Variants in CRYBG1 observed in about 807,000 individuals in gnomAD.
CRYBG1 encodes crystallin beta-gamma domain containing 1.
Under a neutral mutation model 189.2 loss-of-function variants are expected in CRYBG1, and 139 were observed. The ratio of observed to expected loss-of-function variants is 0.73; its 90% CI spans 0.64 to 0.85. The LOEUF (loss-of-function observed/expected upper bound fraction) is 0.85. CRYBG1 is among the 40% of genes least tolerant of loss of function. CRYBG1 has a pLI of 0.00. For missense variants in CRYBG1, 2,611 were observed against 2,675.8 expected (o/e 0.98, Z 0.53); for synonymous variants, 1,023 against 1,017.1 (o/e 1.01, Z -0.11).
At chr6:106,415,878 T>A (rs1318794225) in intron 1 of CRYBG1, among the ~76,000 whole-genome samples, 1 of 152,240 alleles carries the variant, frequency 6.6e-6, no homozygotes, top group East Asian at 1.9e-4. Flanking sequence ...TGGGCAACGA[T>A]GTGCTTCTCC....
At chr6:106,377,622 TATATATA>T (rs370423527) in intron 1 of CRYBG1, among the ~76,000 whole-genome samples, 1 of 1,656 alleles carries the variant, frequency 6.0e-4, no homozygotes, top group African/African-American at 1.0e-3. Context: ...CCTAAGGTTT[TATATATA>T]TATATATATA....
At chr6:106,425,074 C>T (rs552821146) in intron 1 of CRYBG1, among the ~76,000 whole-genome samples, 27 of 152,308 alleles carry the variant, frequency 1.8e-4, no homozygotes, top group African/African-American at 5.8e-4. Context: ...CCTTTCTCAG[C>T]TCTACCTGTC....
intron 3 of CRYBG1, among the ~76,000 whole-genome samples, chr6:106,517,483 TAC>T (rs200726087): frequency 0.037 from 5,366 of 145,078 alleles, 310 homozygotes; most frequent in East Asian, 0.23. Context: ...CATATATATA[TAC>T]ACACACACAC....
chr6:106,393,529 G>A (rs891860485), intron 1 of CRYBG1, among the ~76,000 whole-genome samples: 1 of 152,146 alleles, frequency 6.6e-6, no homozygotes. Flanking sequence ...GGCAGGGATT[G>A]GATGGTGCAC....
At chr6:106,424,416 C>G (rs1180373614) in intron 1 of CRYBG1, among the ~76,000 whole-genome samples, 1 of 152,162 alleles carries the variant, frequency 6.6e-6, no homozygotes, top group Non-Finnish European at 1.5e-5. Context: ...CTGCATATGG[C>G]CTGGAGGACC....
intron 2 of CRYBG1, among the ~76,000 whole-genome samples, chr6:106,476,253 C>T (rs758551694): frequency 6.6e-6 from 1 of 152,076 alleles, no homozygotes; most frequent in Non-Finnish European, 1.5e-5. Flanking sequence ...AGATGTCACA[C>T]GGGTGGGGTG....
intron 1 of CRYBG1, among the ~76,000 whole-genome samples, chr6:106,373,386 T>A (rs1042910660): frequency 6.6e-6 from 1 of 152,116 alleles, no homozygotes; most frequent in Non-Finnish European, 1.5e-5. Flanking sequence ...GTGACAAATG[T>A]TGAGGATTTT....
At chr6:106,363,230 C>T (rs1582720804) in intron 1 of CRYBG1, among the ~76,000 whole-genome samples, 4 of 109,950 alleles carry the variant, frequency 3.6e-5, no homozygotes, top group Admixed American at 1.2e-4. Context: ...GGCGACAGAG[C>T]GAAACTCCGT....
intron 1 of CRYBG1, among the ~76,000 whole-genome samples, chr6:106,447,552 AT>A (rs1771688078): frequency 1.9e-5 from 1 of 53,194 alleles, no homozygotes; most frequent in South Asian, 1.0e-3. Flanking sequence ...TCATAAATAT[AT>A]ATATATATAT....
intron 1 of CRYBG1, among the ~76,000 whole-genome samples, chr6:106,421,735 C>T (rs183065128): frequency 2.4e-4 from 37 of 152,152 alleles, no homozygotes; most frequent in African/African-American, 4.6e-4. Flanking sequence ...TCCATTTTTG[C>T]GCTGCTGATA....
intron 2 of CRYBG1, among the ~76,000 whole-genome samples, chr6:106,492,162 CTA>C (rs757147526): frequency 3.3e-5 from 5 of 152,126 alleles, no homozygotes; most frequent in Non-Finnish European, 5.9e-5. Context: ...ACTTTAGCAA[CTA>C]ATTATATGTC....
intron 2 of CRYBG1, among the ~76,000 whole-genome samples, chr6:106,485,964 G>T (rs1772584826): frequency 6.6e-6 from 1 of 152,142 alleles, no homozygotes; most frequent in Non-Finnish European, 1.5e-5. Flanking sequence ...TTTTGAATCA[G>T]GGTAATGCTG....
chr6:106,512,524 T>C lies in CRYBG1; in HGVS notation c.1407T>C (p.Ser469=). 6.2e-7 allele frequency: 1 copy of C among 1,609,736 alleles called. No homozygotes were observed. The highest frequency in any genetic ancestry group is 1.3e-5 in the African/African-American group (1 of 74,960). The change falls in exon 3 of 22, where the codon TCT becomes TCC. Residue 469 remains serine, a synonymous_variant. Coordinates refer to ENST00000633556, the MANE Select transcript of CRYBG1 (RefSeq NM_001371242.2). The part of the protein sequence containing the change: ...DNASAEKKVK[S]PRAALDGGVA... ...CCTCGGCGGAAAAGAAAGTGAAATC[T>C]CCGCGGGCAGCCCTCGACGGGGGCG...
chr6:106,434,625 T>G (rs1771421985), intron 1 of CRYBG1, among the ~76,000 whole-genome samples: 1 of 152,186 alleles, frequency 6.6e-6, no homozygotes, highest in South Asian at 2.1e-4. Flanking sequence ...AGTAAGTATT[T>G]TAGGCACTGT....
At chr6:106,556,446 A>G (rs529445939) in intron 17 of CRYBG1, among the ~76,000 whole-genome samples, 3 of 152,276 alleles carry the variant, frequency 2.0e-5, no homozygotes, top group South Asian at 2.1e-4. Flanking sequence ...TTTGGTTGTT[A>G]TTATTGAAGA....
At chr6:106,450,551 G>C (rs1771763205) in intron 1 of CRYBG1, among the ~76,000 whole-genome samples, 1 of 152,140 alleles carries the variant, frequency 6.6e-6, no homozygotes, top group South Asian at 2.1e-4. Context: ...AGACAGCAAG[G>C]AACACCCAAG....
chr6:106,500,964 T>C (rs896195006), intron 2 of CRYBG1, among the ~76,000 whole-genome samples: 11 of 152,232 alleles, frequency 7.2e-5, no homozygotes, highest in Non-Finnish European at 1.6e-4. Flanking sequence ...CATTCCATGA[T>C]ACACTGTTGT....
At chr6:106,423,191 T>C (rs1419111332) in intron 1 of CRYBG1, among the ~76,000 whole-genome samples, 1 of 151,382 alleles carries the variant, frequency 6.6e-6, no homozygotes, top group East Asian at 1.9e-4. Context: ...GTAGCAGGAT[T>C]AATATTACCT....
chr6:106,385,723 A>T (rs895443746), intron 1 of CRYBG1, among the ~76,000 whole-genome samples: 1 of 152,158 alleles, frequency 6.6e-6, no homozygotes, highest in Admixed American at 6.6e-5. Context: ...ATTATGTTTC[A>T]ATATCCTATT....
Sources: gnomAD v4.1 joint callset for allele counts (sites outside exome capture counted in the v4.1 genomes callset) on GRCh38, gnomAD v4.1.1 for gene constraint, MANE v1.5 for transcripts, NCBI Gene and HGNC (gene_info 2026-07-23, HGNC 2026-07-21) for gene names.